PACS2: variants seen among roughly 807,000 people sequenced by gnomAD.
PACS2 encodes phosphofurin acidic cluster sorting protein 2.
In PACS2, 36 loss-of-function variants were observed where a neutral mutation model predicts 113.0. The ratio of observed to expected loss-of-function variants is 0.32; its 90% CI spans 0.24 to 0.42. The LOEUF is 0.42. PACS2 is among the 10% of genes least tolerant of loss of function. The pLI is 1.00. For missense variants in PACS2, 1,015 were observed against 1,239.5 expected (o/e 0.82, Z 2.72); for synonymous variants, 589 against 536.1 (o/e 1.10, Z -1.36).
chr14:105,331,545 G>A (rs923410929), intron 1 of PACS2, among the ~76,000 whole-genome samples: 5 of 152,180 alleles, frequency 3.3e-5, no homozygotes, highest in Admixed American at 3.3e-4. Context: ...GCCTCCTAAA[G>A]TGCTGGGATT....
upstream of PACS2, among the ~76,000 whole-genome samples, chr14:105,311,580 A>G (rs1015890182): frequency 4.6e-5 from 7 of 151,914 alleles, no homozygotes; most frequent in African/African-American, 1.7e-4. Flanking sequence ...TTAACTCACT[A>G]TTTCTGCCAG....
upstream of PACS2, among the ~76,000 whole-genome samples, chr14:105,310,401 G>A (rs587631909): frequency 3.2e-4 from 48 of 151,806 alleles, no homozygotes; most frequent in East Asian, 1.9e-3. Flanking sequence ...GTGGTGGCAG[G>A]CGCCTGTAGT....
chr14:105,396,966 C>T lies in PACS2; in HGVS notation c.*2294C>T, dbSNP rs2081546867. 6.6e-6 allele frequency: 1 copy of T among 152,284 alleles called. No homozygotes were observed. The highest frequency in any genetic ancestry group is 2.4e-5 in the African/African-American group (1 of 41,446). The allele number at this position is 152,284 out of a possible 1,614,324, so 9.4% of individuals were successfully genotyped here. A position where few individuals can be genotyped will look rare whatever the true frequency, so the allele number is the denominator to read the frequency against. On this transcript the variant is annotated 3_prime_UTR_variant, in exon 25 of 25. Transcript: ENST00000447393. ...AGCCCCTTTCCTGGAGCCCTCCTGC[C>T]TACCCCGTACCTCCCATCTGGCTGC...
At chr14:105,331,942 G>T (rs1000935416) in intron 1 of PACS2, among the ~76,000 whole-genome samples, 1 of 152,198 alleles carries the variant, frequency 6.6e-6, no homozygotes, top group Non-Finnish European at 1.5e-5. Context: ...GTACTTTGAC[G>T]ATTGTTTTAT....
chr14:105,362,993 G>T (rs2060790499), intron 4 of PACS2, among the ~76,000 whole-genome samples: 1 of 152,210 alleles, frequency 6.6e-6, no homozygotes, highest in South Asian at 2.1e-4. Flanking sequence ...ATGTCAATGA[G>T]CAGTCATATT....
In PACS2 at chr14:105,328,758, G is replaced by T. The variant is rs587610892; in HGVS notation, c.119+13721G>T. Among the ~76,000 whole-genome samples the T allele has an allele frequency of 2.0e-5, 3 of 152,288 alleles. No individual in the cohort carries two copies. In the South Asian group the frequency reaches 6.2e-4, roughly 32 times the overall value. ...ATTTCCAACTAGCTGTTTCTGTTAA[G>T]AGTGAAGAGGAAACCTTGTTTGATT... On this transcript the variant is annotated intron_variant, in intron 1 of 24. Transcript: ENST00000447393.
intron 1 of PACS2, among the ~76,000 whole-genome samples, chr14:105,334,043 G>T (rs2059406921): frequency 6.6e-6 from 1 of 152,264 alleles, no homozygotes; most frequent in African/African-American, 2.4e-5. Flanking sequence ...CAGCCTGGGG[G>T]TGGTCGTGGG....
At position 105,330,385 on chromosome 14, in the gene PACS2, G is replaced by A. The variant is rs1233936038; in HGVS notation, c.119+15348G>A. On this transcript the variant is annotated intron_variant, in intron 1 of 24. Transcript: ENST00000447393. This position sits in a 1 kb window ranked among gnomAD's most constrained non-coding sequence, Gnocchi z 6.9. ...CGTGTGTCCGTAGGAACGGGGGACA[G>A]GAGGTTGTGAAGGGCGTGTGGGTTC... Among the ~76,000 whole-genome samples the A allele has an allele frequency of 6.6e-6, 1 of 152,120 alleles. No individual in the cohort carries two copies. The highest frequency in any genetic ancestry group is 1.5e-5 in the Non-Finnish European group (1 of 68,024).
At chr14:105,391,125 G>C in intron 20 of PACS2, 82 bp from the exon 21 acceptor site, 1 of 1,043,706 alleles carries the variant, frequency 9.6e-7, no homozygotes, top group Non-Finnish European at 1.5e-6. Context: ...TGGCCACGGT[G>C]GGGAGGCGGG....
chr14:105,317,665 T>G lies in PACS2; in HGVS notation c.119+2628T>G, dbSNP rs895622726. Among the ~76,000 whole-genome samples, 3 of 152,238 alleles carry G rather than the reference T, an allele frequency of 2.0e-5. No individual in the cohort carries two copies. Among genetic ancestry groups the G allele is most frequent in the Non-Finnish European group, 4.4e-5 (3 of 68,046 alleles). On this transcript the variant is annotated intron_variant, in intron 1 of 24. Transcript: ENST00000447393. The surrounding 1 kb of genome is among the most constrained non-coding windows in gnomAD (Gnocchi z 4.2). ...TGAGTTTCAGCAGTTTCTTTAGAGA[T>G]AGTCATCCTTTCTCGGCTGTGTTGA...
intron 1 of PACS2, among the ~76,000 whole-genome samples, chr14:105,335,427 GCCGGCGC>G (rs1405851008): frequency 1.8e-4 from 28 of 152,006 alleles, no homozygotes; most frequent in African/African-American, 6.8e-4. Context: ...TGACGCTGTG[GCCGGCGC>G]CTGGCGTGGC....
upstream of PACS2, among the ~76,000 whole-genome samples, chr14:105,311,201 A>G (rs2058341938): frequency 2.0e-5 from 3 of 152,042 alleles, no homozygotes; most frequent in Non-Finnish European, 2.9e-5. Flanking sequence ...TGATCCACCC[A>G]CTTCGGCCTC....
intron 1 of PACS2, among the ~76,000 whole-genome samples, chr14:105,306,538 C>T (rs10135289): frequency 0.04 from 6,027 of 152,054 alleles, 423 homozygotes; most frequent in African/African-American, 0.14. Flanking sequence ...CTCCTGACCT[C>T]GTGATCTGCC....
intron 24 of PACS2, 161 bp from the exon 25 acceptor site, chr14:105,394,393 A>G: frequency 1.0e-6 from 1 of 985,216 alleles, no homozygotes; most frequent in Non-Finnish European, 1.2e-6. Context: ...ATGGCCCTGG[A>G]GCCCCCGAGT....
intron 1 of PACS2, among the ~76,000 whole-genome samples, chr14:105,345,427 C>A (rs1264478145): frequency 6.6e-6 from 1 of 152,156 alleles, no homozygotes; most frequent in Non-Finnish European, 1.5e-5. Flanking sequence ...AAAATGGAAT[C>A]TTTAGATTGT....
chr14:105,328,320 C>G (rs1223503083), intron 1 of PACS2, among the ~76,000 whole-genome samples: 1 of 152,190 alleles, frequency 6.6e-6, no homozygotes, highest in African/African-American at 2.4e-5. Context: ...GAATGTGGTC[C>G]CTTCAGAAAG....
rs1408909365 is a variant in PACS2, at chr14:105,355,708, G to A, written c.423+531G>A. Among the ~76,000 whole-genome samples the A allele has an allele frequency of 6.6e-6, 1 of 152,216 alleles. No homozygotes were observed. Among genetic ancestry groups the A allele is most frequent in the Non-Finnish European group, 1.5e-5 (1 of 68,036 alleles). The stretch of plus-strand genomic sequence containing the variant: ...GAGTTCCCTGGAGGGGAAAGAAGGG[G>A]AAGTACCTCAAAAGGAAAAGAAACA... On this transcript the variant is annotated intron_variant, in intron 4 of 24. Transcript: ENST00000447393. The surrounding 1 kb of genome is among the most constrained non-coding windows in gnomAD (Gnocchi z 4.1).
intron 1 of PACS2, among the ~76,000 whole-genome samples, chr14:105,326,955 G>C (rs2059133129): frequency 6.6e-6 from 1 of 152,168 alleles, no homozygotes; most frequent in Admixed American, 6.5e-5. Flanking sequence ...TTCCCACCTA[G>C]CTGGACGTAA....
rs2058964659 is a variant in PACS2 at position 105,323,172 on chromosome 14, T to C, written c.119+8135T>C. ...TCGGGGTTACTAGACTTGCTGACTT[T>C]GTGGATCGATGATTTTCATGAGTCC... On this transcript the variant is annotated intron_variant, in intron 1 of 24. Coordinates refer to ENST00000447393, the MANE Select transcript of PACS2 (RefSeq NM_001100913.3). This position sits in a 1 kb window ranked among gnomAD's most constrained non-coding sequence, Gnocchi z 4.1. Among the ~76,000 whole-genome samples the C allele has an allele frequency of 6.6e-6, 1 of 152,214 alleles. No homozygotes were observed. Among genetic ancestry groups the C allele is most frequent in the Non-Finnish European group, 1.5e-5 (1 of 68,028 alleles).
Sources: gnomAD v4.1 joint callset for allele counts (sites outside exome capture counted in the v4.1 genomes callset) on GRCh38, gnomAD v4.1.1 for gene constraint, Gnocchi (gnomAD v3.1) non-coding constraint, MANE v1.5 for transcripts, NCBI Gene and HGNC (gene_info 2026-07-23, HGNC 2026-07-21) for gene names.